The following ARID5B variants were observed in gnomAD, a reference collection of about 807,000 sequenced individuals.
The protein encoded by ARID5B is AT-rich interaction domain 5B.
A neutral mutation model predicts 97.2 loss-of-function variants in ARID5B; 13 were observed. The ratio of observed to expected loss-of-function variants is 0.13; its 90% confidence interval spans 0.09 to 0.21. ARID5B has a LOEUF of 0.21. ARID5B is among the 10% of genes least tolerant of loss of function. ARID5B has a pLI of 1.00. For missense variants in ARID5B, 1,210 were observed against 1,465.3 expected (o/e 0.83, Z 2.84); for synonymous variants, 556 against 570.3 (o/e 0.97, Z 0.36).
At chr10:62,032,951 T>C (rs1839516022) in intron 4 of ARID5B, among the ~76,000 whole-genome samples, 1 of 152,226 alleles carries the variant, frequency 6.6e-6, no homozygotes, top group Admixed American at 6.5e-5. Flanking sequence ...AGGAATGTTC[T>C]ACTGAAAACG....
At chr10:61,902,730 CCTG>C (rs1843639253) in intron 2 of ARID5B, among the ~76,000 whole-genome samples, 1 of 151,224 alleles carries the variant, frequency 6.6e-6, no homozygotes, top group Non-Finnish European at 1.5e-5. Context: ...CATTTGCTCT[CCTG>C]CTATTGCCTC....
At chr10:61,949,896 T>A (rs1339099121) in intron 3 of ARID5B, among the ~76,000 whole-genome samples, 2 of 152,190 alleles carry the variant, frequency 1.3e-5, no homozygotes, top group Non-Finnish European at 2.9e-5. Flanking sequence ...TCATACAAGC[T>A]CATAAATTTT....
chr10:61,944,319 AT>A lies in ARID5B; in HGVS notation c.502+3914del, dbSNP rs577015390. ...TCATTCACCACACAAGCCTCTAGTT[AT>A]TTATTTTTGTCTTTAGAATTACAGT... On this transcript the variant is annotated intron_variant, in intron 3 of 9. Coordinates refer to ENST00000279873, the MANE Select transcript of ARID5B (RefSeq NM_032199.3). Among the ~76,000 whole-genome samples, 262 of 152,282 alleles carry A rather than the reference AT, an allele frequency of 1.7e-3. 1 individual carries two copies. Among genetic ancestry groups the A allele is most frequent in the African/African-American group, 5.3e-3 (222 of 41,568 alleles).
intron 3 of ARID5B, among the ~76,000 whole-genome samples, chr10:61,993,807 G>A (rs938311716): frequency 6.6e-6 from 1 of 152,148 alleles, no homozygotes; most frequent in African/African-American, 2.4e-5. Context: ...TTGGTTGCTA[G>A]GAGCACAGTG....
Position 62,093,167 on chromosome 10 carries a change from A to G in ARID5B, c.*137A>G. 7.5e-7 allele frequency: 1 copy of G among 1,331,248 alleles called. No homozygotes were observed. Among genetic ancestry groups the G allele is most frequent in the Non-Finnish European group, 1.0e-6 (1 of 994,658 alleles). 82.5% of individuals were successfully genotyped at this position (1,331,248 alleles called of 1,614,324 possible). On this transcript the variant is annotated 3_prime_UTR_variant, in exon 10 of 10. Transcript: ENST00000279873. ...TGATCAGTCCCAGCTGTAGGGGCCC[A>G]GAGGGGAGGTGAACATGCCTGATTT...
chr10:61,980,927 G>A (rs181408950), intron 3 of ARID5B, among the ~76,000 whole-genome samples: 137 of 152,252 alleles, frequency 9.0e-4, no homozygotes, highest in African/African-American at 3.1e-3. Flanking sequence ...CACCTCCACT[G>A]CCTTGCGTCT....
chr10:61,954,371 A>G (rs979668951), intron 3 of ARID5B, among the ~76,000 whole-genome samples: 1 of 151,862 alleles, frequency 6.6e-6, no homozygotes, highest in African/African-American at 2.4e-5. Flanking sequence ...AAATAAATAA[A>G]TAAATAAATA....
chr10:62,004,475 C>G (rs952635720), intron 4 of ARID5B, among the ~76,000 whole-genome samples: 2 of 152,120 alleles, frequency 1.3e-5, no homozygotes, highest in African/African-American at 4.8e-5. Context: ...GCTTGTAAGA[C>G]CAATGTGGGG....
At chr10:62,044,846 A>C (rs899586463) in intron 4 of ARID5B, among the ~76,000 whole-genome samples, 1 of 152,312 alleles carries the variant, frequency 6.6e-6, no homozygotes, top group South Asian at 2.1e-4. Flanking sequence ...CAGTGTGTTT[A>C]TATCTCATAC....
intron 8 of ARID5B, among the ~76,000 whole-genome samples, chr10:62,077,797 T>C (rs1840157992): frequency 6.6e-6 from 1 of 152,200 alleles, no homozygotes; most frequent in African/African-American, 2.4e-5. Flanking sequence ...ATCATTAAGA[T>C]TAAATAACTG....
chr10:62,049,159 A>G (rs1445641202), intron 4 of ARID5B: 39 of 1,237,068 alleles, frequency 3.2e-5, no homozygotes, highest in Admixed American at 8.0e-5. Flanking sequence ...GTCAGGATCC[A>G]CAAAACAGGC....
rs768381871 is a variant in ARID5B, at chr10:62,000,359, CGT to C, written c.733+44_733+45del. On this transcript the variant is annotated intron_variant, in intron 4 of 9. Transcript: ENST00000279873. This position sits in a 1 kb window ranked among gnomAD's most constrained non-coding sequence, Gnocchi z 4.4. ...TTTTTTTTCCTACCTGATTCTTGTG[CGT>C]GTGTGCCTAGTTGTTTTCAGTTCTT... 2.0e-6 allele frequency: 3 copies of C among 1,514,928 alleles called. No homozygotes were observed. The South Asian group carries it at 3.6e-5, about 18-fold the overall frequency. 93.8% of individuals were successfully genotyped at this position (1,514,928 alleles called of 1,614,324 possible). A position where few individuals can be genotyped will look rare whatever the true frequency, so the allele number is the denominator to read the frequency against.
At chr10:62,035,562 C>A (rs1839552119) in intron 4 of ARID5B, among the ~76,000 whole-genome samples, 1 of 152,144 alleles carries the variant, frequency 6.6e-6, no homozygotes, top group Non-Finnish European at 1.5e-5. Context: ...ACAGTCTTAG[C>A]TCACTGCAAC....
chr10:61,947,261 CTTTTT>C (rs199587188), intron 3 of ARID5B, among the ~76,000 whole-genome samples: 45 of 124,304 alleles, frequency 3.6e-4, no homozygotes, highest in Non-Finnish European at 6.6e-4. Context: ...CACTTACTTT[CTTTTT>C]TTTTTTTTTT....
intron 4 of ARID5B, among the ~76,000 whole-genome samples, chr10:62,050,662 T>A (rs1374432982): frequency 6.6e-6 from 1 of 152,210 alleles, no homozygotes; most frequent in Non-Finnish European, 1.5e-5. Context: ...TAATTAGACA[T>A]GTTAAAGCTA....
At chr10:62,025,778 C>A (rs375320525) in intron 4 of ARID5B, among the ~76,000 whole-genome samples, 3 of 148,918 alleles carry the variant, frequency 2.0e-5, no homozygotes, top group Non-Finnish European at 4.4e-5. Context: ...ATCAAGCATG[C>A]CTGCTGACCA....
At chr10:62,078,135 G>A (rs1442744883) in intron 8 of ARID5B, among the ~76,000 whole-genome samples, 1 of 152,162 alleles carries the variant, frequency 6.6e-6, no homozygotes, top group Non-Finnish European at 1.5e-5. Flanking sequence ...ATAGTTGTTT[G>A]CCTATTTTTA....
At chr10:61,972,734 T>A (rs1018977370) in intron 3 of ARID5B, among the ~76,000 whole-genome samples, 1 of 152,172 alleles carries the variant, frequency 6.6e-6, no homozygotes, top group African/African-American at 2.4e-5. Context: ...CCTGAAGTCA[T>A]ATTATTATTT....
chr10:61,950,213 G>A (rs181581104), intron 3 of ARID5B, among the ~76,000 whole-genome samples: 1 of 152,276 alleles, frequency 6.6e-6, no homozygotes, highest in African/African-American at 2.4e-5. Flanking sequence ...TCACCATGTT[G>A]GCCAGGGTGA....
Sources: allele counts gnomAD v4.1 joint callset (sites outside exome capture counted in the v4.1 genomes callset), GRCh38; gene constraint gnomAD v4.1.1; non-coding constraint Gnocchi (gnomAD v3.1); transcripts MANE v1.5; gene names NCBI Gene and HGNC (gene_info 2026-07-23, HGNC 2026-07-21).